The following GPR176 variants were observed in gnomAD, a reference collection of about 807,000 sequenced individuals.
GPR176 encodes G-protein coupled receptor 176.
In GPR176, 26 loss-of-function variants were observed where a neutral mutation model predicts 35.4. The observed-to-expected ratio is 0.74, with a 90% CI of 0.54 to 1.02. The LOEUF is 1.02. GPR176 is among the 50% of genes least tolerant of loss of function. The pLI is 0.00. For synonymous variants in GPR176, 278 were observed against 271.3 expected, an observed-to-expected ratio of 1.02 and a Z score of -0.24; for missense variants, 597 against 665.3, an observed-to-expected ratio of 0.90 and a Z score of 1.13.
chr15:39,812,267 T>C (rs950752056), intron 1 of GPR176, among the ~76,000 whole-genome samples: 6 of 152,114 alleles, frequency 3.9e-5, no homozygotes, highest in African/African-American at 1.4e-4. Context: ...TTTGAGTCAG[T>C]GGACTGGGAA....
At chr15:39,837,338 G>A (rs1254455762) in intron 1 of GPR176, among the ~76,000 whole-genome samples, 1 of 152,138 alleles carries the variant, frequency 6.6e-6, no homozygotes, top group East Asian at 1.9e-4. Context: ...TGCAGGTTGG[G>A]TTCTAGCTTC....
chr15:39,819,825 T>C (rs1164651136), intron 1 of GPR176, among the ~76,000 whole-genome samples: 2 of 152,234 alleles, frequency 1.3e-5, no homozygotes, highest in Non-Finnish European at 2.9e-5. Context: ...AAAGTGAGCC[T>C]GATCGTGCTT....
At chr15:39,837,368 G>A (rs1356302725) in intron 1 of GPR176, among the ~76,000 whole-genome samples, 1 of 152,118 alleles carries the variant, frequency 6.6e-6, no homozygotes, top group East Asian at 1.9e-4. Context: ...CTCTCACTCT[G>A]TGAGTGTGCC....
chr15:39,801,976 C>G lies in GPR176; in HGVS notation c.704G>C (p.Ser235Thr). The change falls in exon 3 of 3, where the codon AGC (serine) becomes ACC (threonine). Residue 235 changes from serine (S) to threonine (T), a missense_variant. Ser to Thr is a moderately conservative substitution (Grantham distance 58). Transcript: ENST00000561100. Reference protein sequence around the residue: ...LILIRRALSASQKKKVIIAAL... With the variant: ...LILIRRALSATQKKKVIIAAL... The stretch of plus-strand genomic sequence containing the variant: ...TGCTATGATGACCTTCTTCTTCTGG[C>G]TGGCACTCAGGGCCCGTCGGATCAG... The G allele has an allele frequency of 6.2e-7, 1 of 1,614,142 alleles. No homozygotes were observed. Among genetic ancestry groups the G allele is most frequent in the Non-Finnish European group, 8.5e-7 (1 of 1,180,036 alleles).
intron 1 of GPR176, among the ~76,000 whole-genome samples, chr15:39,914,598 C>T (rs879091246): frequency 4.6e-5 from 7 of 152,158 alleles, no homozygotes; most frequent in Admixed American, 3.9e-4. Context: ...GCATGAGCCA[C>T]CACACCTGGC....
At chr15:39,870,079 C>G (rs896050181) in intron 1 of GPR176, among the ~76,000 whole-genome samples, 10 of 152,170 alleles carry the variant, frequency 6.6e-5, no homozygotes, top group Non-Finnish European at 1.3e-4. Context: ...AATCTGTTTC[C>G]TTGCTGTTCT....
At chr15:39,857,029 A>G (rs141667533) in intron 1 of GPR176, among the ~76,000 whole-genome samples, 1 of 152,180 alleles carries the variant, frequency 6.6e-6, no homozygotes, top group African/African-American at 2.4e-5. Flanking sequence ...AGTGCACAGT[A>G]GGCATTCCAT....
intron 1 of GPR176, among the ~76,000 whole-genome samples, chr15:39,858,357 G>T (rs1285797697): frequency 6.6e-6 from 1 of 152,080 alleles, no homozygotes; most frequent in Admixed American, 6.5e-5. Context: ...TGGCAGAAAT[G>T]AATACAAAAC....
intron 1 of GPR176, among the ~76,000 whole-genome samples, chr15:39,850,875 C>T (rs1017991175): frequency 4.0e-5 from 6 of 151,516 alleles, no homozygotes; most frequent in African/African-American, 1.5e-4. Context: ...AAACAAAAAA[C>T]AATAGTGGCA....
At chr15:39,814,083 T>A in intron 1 of GPR176, among the ~76,000 whole-genome samples, 1 of 152,224 alleles carries the variant, frequency 6.6e-6, no homozygotes, top group East Asian at 1.9e-4. Flanking sequence ...GTGCTAAAAG[T>A]TCTGCAGCCT....
chr15:39,891,619 G>T (rs1296358886), intron 1 of GPR176, among the ~76,000 whole-genome samples: 1 of 152,192 alleles, frequency 6.6e-6, no homozygotes, highest in Admixed American at 6.5e-5. Flanking sequence ...TTACAAGCAT[G>T]TGCCACCATG....
rs1901159244 is a variant in GPR176, at chr15:39,832,565, AT to A, written c.173-25308del. On this transcript the variant is annotated intron_variant, in intron 1 of 2. Coordinates refer to ENST00000561100, the MANE Select transcript of GPR176 (RefSeq NM_007223.3). ...CCAGCTTCTAGAGCAAGGGTGTCCA[AT>A]ATTTTCACTTCCCTGGGCCAGACTG... Among the ~76,000 whole-genome samples the A allele has an allele frequency of 2.0e-5, 3 of 151,876 alleles. No individual in the cohort carries two copies. In the South Asian group the frequency reaches 6.3e-4, roughly 32 times the overall value.
intron 1 of GPR176, among the ~76,000 whole-genome samples, chr15:39,909,687 C>A (rs1372292242): frequency 2.0e-5 from 3 of 152,196 alleles, no homozygotes; most frequent in Admixed American, 1.3e-4. Flanking sequence ...TGAGCCTTTT[C>A]TTTAAGCTAC....
At chr15:39,911,502 AAG>A (rs2033576525) in intron 1 of GPR176, among the ~76,000 whole-genome samples, 1 of 152,354 alleles carries the variant, frequency 6.6e-6, no homozygotes, top group Admixed American at 6.5e-5. Flanking sequence ...AGTCAGTTTG[AAG>A]GCATTTCTCT....
intron 1 of GPR176, among the ~76,000 whole-genome samples, chr15:39,875,483 C>A (rs2032207641): frequency 6.6e-6 from 1 of 152,148 alleles, no homozygotes; most frequent in African/African-American, 2.4e-5. Context: ...TGGAGAACTG[C>A]ATATGTTCTC....
intron 1 of GPR176, among the ~76,000 whole-genome samples, chr15:39,833,474 C>A (rs923039344): frequency 6.6e-6 from 1 of 152,080 alleles, no homozygotes; most frequent in Admixed American, 6.6e-5. Context: ...AGAGTAGATT[C>A]ATGATTGCTT....
At chr15:39,854,828 A>G (rs2031102311) in intron 1 of GPR176, among the ~76,000 whole-genome samples, 1 of 152,078 alleles carries the variant, frequency 6.6e-6, no homozygotes, top group African/African-American at 2.4e-5. Context: ...CTTGAGGCCA[A>G]TAGTTCAAGA....
chr15:39,836,177 T>C (rs988936125), intron 1 of GPR176, among the ~76,000 whole-genome samples: 3 of 152,108 alleles, frequency 2.0e-5, no homozygotes, highest in African/African-American at 7.2e-5. Flanking sequence ...CTGGAAAACA[T>C]ACCAGGGTCT....
chr15:39,847,407 A>G (rs1294777160), intron 1 of GPR176, among the ~76,000 whole-genome samples: 2 of 152,114 alleles, frequency 1.3e-5, no homozygotes, highest in Non-Finnish European at 2.9e-5. Flanking sequence ...TGTTATATAC[A>G]GGTTGAAAGT....
Sources: gnomAD v4.1 joint callset for allele counts (sites outside exome capture counted in the v4.1 genomes callset) on GRCh38, gnomAD v4.1.1 for gene constraint, MANE v1.5 for transcripts, NCBI Gene and HGNC (gene_info 2026-07-23, HGNC 2026-07-21) for gene names.